The following NOTCH2NLB variants were observed in gnomAD, a reference collection of about 807,000 sequenced individuals.
NOTCH2NLB encodes notch 2 N-terminal like B.
A neutral mutation model predicts 14.8 loss-of-function variants in NOTCH2NLB; 1 was observed. That is an observed-to-expected ratio of 0.07 (90% CI 0.02 to 0.32). NOTCH2NLB has a LOEUF of 0.32. Ranked by LOEUF, NOTCH2NLB falls within the 10% of genes least tolerant of loss-of-function variation. NOTCH2NLB has a pLI of 1.00. For missense variants in NOTCH2NLB, 11 were observed against 155.0 expected, an observed-to-expected ratio of 0.07 and a Z score of 4.93; for synonymous variants, 6 against 57.5, an observed-to-expected ratio of 0.10 and a Z score of 4.05.
At chr1:148,623,929 C>T (rs1663939168) in intron 2 of NOTCH2NLB, among the ~76,000 whole-genome samples, 1 of 85,580 alleles carries the variant, frequency 1.2e-5, no homozygotes, top group African/African-American at 1.1e-4. Flanking sequence ...GGTAGAATAA[C>T]AGGCCAAATC....
chr1:148,649,507 A>T (rs1664444835), intron 1 of NOTCH2NLB, among the ~76,000 whole-genome samples: 1 of 79,664 alleles, frequency 1.3e-5, no homozygotes, highest in Non-Finnish European at 2.6e-5. Flanking sequence ...CTCCCTTTTT[A>T]AAGCTTTTTT....
chr1:148,602,259 CAAAAAAAA>C (rs1173403342), downstream of NOTCH2NLB, among the ~76,000 whole-genome samples: 2 of 21,234 alleles, frequency 9.4e-5, no homozygotes, highest in Non-Finnish European at 1.3e-4. Flanking sequence ...TGCTCCGTCT[CAAAAAAAA>C]AAAAAAAAAA....
chr1:148,651,162 A>AAAAAAAAAAT (rs1553341433), intron 1 of NOTCH2NLB, among the ~76,000 whole-genome samples: 1 of 46,042 alleles, frequency 2.2e-5, no homozygotes, highest in Non-Finnish European at 4.2e-5. Context: ...AAAAAAAAAA[A>AAAAAAAAAAT]ATATATATAT....
chr1:148,638,660 T>C lies in NOTCH2NLB; in HGVS notation c.77+1356A>G, dbSNP rs1420745841. Reference sequence around the variant, plus strand: ...TCTTTACTCCAATCCAAACAACCTATTGTTAAGCTTTACTGTCATCACAGC... The same window carrying C: ...TCTTTACTCCAATCCAAACAACCTACTGTTAAGCTTTACTGTCATCACAGC... On this transcript the variant is annotated intron_variant, in intron 2 of 4. Transcript: ENST00000593495. Among the ~76,000 whole-genome samples, 5 of 149,480 alleles carry C rather than the reference T, an allele frequency of 3.3e-5. 1 individual carries two copies. The highest frequency in any genetic ancestry group is 1.9e-4 in the East Asian group (1 of 5,174).
intron 2 of NOTCH2NLB, among the ~76,000 whole-genome samples, chr1:148,638,163 G>A (rs1442371636): frequency 2.0e-5 from 3 of 148,128 alleles, no homozygotes; most frequent in East Asian, 1.9e-4. Flanking sequence ...TTGAGGAATC[G>A]CCACACTGAA....
At chr1:148,633,438 G>A (rs1206190165) in intron 2 of NOTCH2NLB, among the ~76,000 whole-genome samples, 4 of 81,948 alleles carry the variant, frequency 4.9e-5, no homozygotes, top group Non-Finnish European at 8.7e-5. Context: ...TTGTAGTCCC[G>A]GCTACTTGAG....
the NOTCH2NLB span, among the ~76,000 whole-genome samples, chr1:148,700,034 C>A: frequency 4.4e-5 from 4 of 90,538 alleles, no homozygotes; most frequent in African/African-American, 7.0e-5. Context: ...CCTCCCCTCA[C>A]ACCCTGCTCT....
At chr1:148,656,076 T>TA (rs1664536337) in intron 1 of NOTCH2NLB, among the ~76,000 whole-genome samples, 2 of 94,484 alleles carry the variant, frequency 2.1e-5, no homozygotes, top group South Asian at 9.3e-4. Context: ...AAGCTTTACT[T>TA]AGAGTTAACA....
At chr1:148,661,598 C>T (rs1156295029) in intron 1 of NOTCH2NLB, among the ~76,000 whole-genome samples, 1 of 150,024 alleles carries the variant, frequency 6.7e-6, no homozygotes, top group Non-Finnish European at 1.5e-5. Context: ...TCTATCAAAG[C>T]TCTTCTCAGG....
In NOTCH2NLB at chr1:148,636,899, A is replaced by C. The variant is rs1187502799; in HGVS notation, c.77+3117T>G. ...TATACAAGTTTTGTTGTTCATCTTG[A>C]TCTCCCAAAAGGATGGCCTCACCAA... On this transcript the variant is annotated intron_variant, in intron 2 of 4. Transcript: ENST00000593495. Among the ~76,000 whole-genome samples, 11 of 145,556 alleles carry C rather than the reference A, an allele frequency of 7.6e-5. 1 individual carries two copies. The highest frequency in any genetic ancestry group is 4.1e-4 in the Admixed American group (6 of 14,792).
downstream of NOTCH2NLB, among the ~76,000 whole-genome samples, chr1:148,602,289 AAG>A: frequency 8.6e-5 from 7 of 81,644 alleles, no homozygotes; most frequent in South Asian, 5.5e-4. Flanking sequence ...AAGAAAAGAA[AAG>A]AAAATGACAC....
chr1:148,604,933 A>G (rs1166863070), downstream of NOTCH2NLB, among the ~76,000 whole-genome samples: 1 of 136,054 alleles, frequency 7.4e-6, no homozygotes, highest in Non-Finnish European at 1.6e-5. Flanking sequence ...ACTTTTAAAC[A>G]TCTGCACAAC....
upstream of NOTCH2NLB, among the ~76,000 whole-genome samples, chr1:148,684,291 AG>A (rs1322060535): frequency 1.3e-3 from 37 of 29,396 alleles, no homozygotes; most frequent in Non-Finnish European, 1.9e-3. Context: ...GGGAGAGACC[AG>A]GTGGAGGTAA....
chr1:148,648,087 GAAT>G (rs1485876991), intron 1 of NOTCH2NLB, among the ~76,000 whole-genome samples: 4 of 148,802 alleles, frequency 2.7e-5, no homozygotes, highest in Non-Finnish European at 6.0e-5. Flanking sequence ...GATAAATCTA[GAAT>G]AATTTTTGGT....
chr1:148,633,129 G>C (rs1664142418), intron 2 of NOTCH2NLB, among the ~76,000 whole-genome samples: 1 of 126,488 alleles, frequency 7.9e-6, no homozygotes. Flanking sequence ...TCCCCTTTTT[G>C]TATACTTTCA....
At chr1:148,684,905 G>T in the NOTCH2NLB span, among the ~76,000 whole-genome samples, 5 of 133,362 alleles carry the variant, frequency 3.7e-5, no homozygotes, top group African/African-American at 1.4e-4. Context: ...TTCAGCTCGG[G>T]TGACAGAGCA....
intron 1 of NOTCH2NLB, among the ~76,000 whole-genome samples, chr1:148,679,238 C>CGGTT (rs1664880266): frequency 4.0e-5 from 1 of 24,788 alleles, no homozygotes; most frequent in Non-Finnish European, 8.4e-5. Context: ...GGAGCAGAGG[C>CGGTT]GGCGGGGAAC....
chr1:148,707,323 C>T, the NOTCH2NLB span, among the ~76,000 whole-genome samples: 1 of 9,338 alleles, frequency 1.1e-4, no homozygotes, highest in South Asian at 1.5e-3. Context: ...GTAAAAGTAC[C>T]TGATATACAA....
At position 148,625,406 on chromosome 1, in the gene NOTCH2NLB, G is replaced by A. The variant is rs1250087901; in HGVS notation, c.78-9456C>T. 5.8e-5 allele frequency among the ~76,000 whole-genome samples: 5 copies of A among 85,718 alleles called. 1 individual carries two copies. Among genetic ancestry groups the A allele is most frequent in the Admixed American group, 1.2e-4 (1 of 8,690 alleles). 56.2% of individuals were successfully genotyped at this position (85,718 alleles called of 152,430 possible). A position where few individuals can be genotyped will look rare whatever the true frequency, so the allele number is the denominator to read the frequency against. ...AAGAAACAACAACAATAACAACAAA[G>A]CAAAATCCCACCACATACAAGAAGA... On this transcript the variant is annotated intron_variant, in intron 2 of 4. Transcript: ENST00000593495.
Sources: gnomAD v4.1 joint callset for allele counts (sites outside exome capture counted in the v4.1 genomes callset) on GRCh38, gnomAD v4.1.1 for gene constraint, MANE v1.5 for transcripts, NCBI Gene and HGNC (gene_info 2026-07-23, HGNC 2026-07-21) for gene names.